RBCK1: variants seen among roughly 807,000 people sequenced by gnomAD.
RBCK1 encodes RANBP2-type and C3HC4-type zinc finger containing 1.
A neutral mutation model predicts 71.1 loss-of-function variants in RBCK1; 44 were observed. The observed-to-expected ratio is 0.62, with a 90% CI of 0.49 to 0.80. RBCK1 has a LOEUF of 0.80. RBCK1 is among the 30% of genes least tolerant of loss of function. The probability of loss-of-function intolerance (pLI) is 0.00; values close to 1 mark genes in which losing one functional copy is unlikely to be tolerated. For synonymous variants in RBCK1, 306 were observed against 279.7 expected (o/e 1.09, Z -0.94); for missense variants, 569 against 685.0 (o/e 0.83, Z 1.89).
At chr20:410,256 G>A (rs1345619392) in intron 2 of RBCK1, among the ~76,000 whole-genome samples, 1 of 152,202 alleles carries the variant, frequency 6.6e-6, no homozygotes, top group Non-Finnish European at 1.5e-5. Flanking sequence ...GTTAGGAGGT[G>A]TACTGTATTA....
rs1052280826 is a variant in RBCK1 at position 408,889 on chromosome 20, C to G, written c.22+110C>G. On this transcript the variant is annotated intron_variant, in intron 1 of 11. Coordinates refer to ENST00000356286, the MANE Select transcript of RBCK1 (RefSeq NM_031229.4). ...CTTGGAGAGGGGGCTTTAGCCTGCC[C>G]TCCCTCTACCCTCCTCCCCATCAGT... 96 of 1,273,900 alleles carry G rather than the reference C, an allele frequency of 7.5e-5. No individual in the cohort carries two copies. The African/African-American group carries it at 1.3e-3, about 18-fold the overall frequency. 78.9% of individuals were successfully genotyped at this position (1,273,900 alleles called of 1,614,324 possible).
At chr20:409,415 C>T (rs528101985) in intron 1 of RBCK1, among the ~76,000 whole-genome samples, 10 of 152,320 alleles carry the variant, frequency 6.6e-5, no homozygotes, top group Non-Finnish European at 1.5e-4. Flanking sequence ...AGAGGCCTCC[C>T]CTGGTCTCCT....
intron 4 of RBCK1, among the ~76,000 whole-genome samples, chr20:418,559 G>A (rs186356187): frequency 0.02 from 2,990 of 152,098 alleles, 101 homozygotes; most frequent in African/African-American, 0.067. Context: ...TAGTAGAGAC[G>A]GGGTTTCACC....
At position 417,951 on chromosome 20, in the gene RBCK1, C is replaced by A; in HGVS notation, c.460+21C>A. 6.3e-7 allele frequency: 1 copy of A among 1,594,582 alleles called. No individual in the cohort carries two copies. Among genetic ancestry groups the A allele is most frequent in the South Asian group, 1.1e-5 (1 of 90,320 alleles). On this transcript the variant is annotated intron_variant, in intron 4 of 11. Transcript: ENST00000356286. The surrounding 1 kb of genome is among the most constrained non-coding windows in gnomAD (Gnocchi z 4.7). The stretch of plus-strand genomic sequence containing the variant: ...GGAAGGTGAGGCTCTGCCCTGAGCA[C>A]CGCCGGACCCAGCGGGGGCCCTGGA...
At chr20:409,129 C>G (rs1234867662) in intron 1 of RBCK1, among the ~76,000 whole-genome samples, 1 of 152,198 alleles carries the variant, frequency 6.6e-6, no homozygotes, top group African/African-American at 2.4e-5. Flanking sequence ...GGTTGTAGAA[C>G]GGAAGTCAGT....
rs369452684 is a variant in RBCK1 at position 417,964 on chromosome 20, C to A, written c.460+34C>A. On this transcript the variant is annotated intron_variant, in intron 4 of 11. Transcript: ENST00000356286. The surrounding 1 kb of genome is among the most constrained non-coding windows in gnomAD (Gnocchi z 4.7). ...CTGCCCTGAGCACCGCCGGACCCAG[C>A]GGGGGCCCTGGACTCACTTGAGGGC... is the stretch of plus-strand genomic sequence containing the variant. The A allele has an allele frequency of 3.2e-6, 5 of 1,581,738 alleles. No homozygotes were observed. The African/African-American group carries it at 4.0e-5, about 13-fold the overall frequency.
chr20:418,351 T>C (rs1179769725), intron 4 of RBCK1, among the ~76,000 whole-genome samples: 1 of 152,248 alleles, frequency 6.6e-6, no homozygotes, highest in East Asian at 1.9e-4. Flanking sequence ...GTACCTTTCA[T>C]GTGGGTTTTA....
intron 11 of RBCK1, 33 bp downstream of exon 11, chr20:429,127 T>C: frequency 1.3e-6 from 2 of 1,591,044 alleles, no homozygotes; most frequent in Non-Finnish European, 1.7e-6. Context: ...GTGGAGAGGG[T>C]GCCCTTGTGG....
chr20:429,506 G>A (rs1391195207), intron 11 of RBCK1, among the ~76,000 whole-genome samples: 3 of 152,198 alleles, frequency 2.0e-5, no homozygotes, highest in African/African-American at 7.2e-5. Flanking sequence ...GATTACAGGC[G>A]TGAGCCACCG....
chr20:419,578 G>A lies in RBCK1; in HGVS notation c.603G>A (p.Gly201=), dbSNP rs1206906907. The A allele has an allele frequency of 4.4e-6, 7 of 1,605,170 alleles. No homozygotes were observed. Among genetic ancestry groups the A allele is most frequent in the African/African-American group, 4.0e-5 (3 of 74,770 alleles). ...EPPPVGWQCP[G]CTFINKPTRP... ...CCCAGGTGGGCTGGCAGTGCCCCGG[G>A]TGCACCTTCATCAACAAGCCCACGC... Residue 201 remains glycine, a synonymous_variant, in exon 6 of 12, where the codon GGG becomes GGA. Coordinates refer to ENST00000356286, the MANE Select transcript of RBCK1 (RefSeq NM_031229.4).
In RBCK1 at chr20:429,112, G is replaced by A; in HGVS notation, c.1452+18G>A. 1 of 1,602,942 alleles carries A rather than the reference G, an allele frequency of 6.2e-7. No individual in the cohort carries two copies. The highest frequency in any genetic ancestry group is 8.5e-7 in the Non-Finnish European group (1 of 1,173,746). On this transcript the variant is annotated intron_variant, in intron 11 of 11. Coordinates refer to ENST00000356286, the MANE Select transcript of RBCK1 (RefSeq NM_031229.4). ...GCCCTGGGGTGAGTCTTTGCTCGTG[G>A]TGGTGTGGAGAGGGTGCCCTTGTGG...
intron 2 of RBCK1, among the ~76,000 whole-genome samples, chr20:413,628 A>G (rs1208929553): frequency 6.6e-6 from 1 of 152,130 alleles, no homozygotes; most frequent in African/African-American, 2.4e-5. Flanking sequence ...TCTTGCTACT[A>G]AAGTGTGGCC....
chr20:420,617 C>A (rs1690002797), intron 6 of RBCK1: 2 of 952,154 alleles, frequency 2.1e-6, no homozygotes, highest in East Asian at 2.7e-4. Flanking sequence ...TTCCCCACCT[C>A]CACCTGGCCT....
At chr20:424,115 T>C (rs897884807) in intron 8 of RBCK1, among the ~76,000 whole-genome samples, 1 of 152,242 alleles carries the variant, frequency 6.6e-6, no homozygotes, top group Non-Finnish European at 1.5e-5. Context: ...CAGAAACAAA[T>C]TGGAGTCACC....
Position 427,433 on chromosome 20 carries a change from G to A in RBCK1, c.1150G>A (p.Asp384Asn). ...PDCKGWCFFE[D>N]DVNEFTCPVC... is the part of the protein sequence containing the mutation. ...TTGCAAGGGATGGTGCTTCTTTGAGGATGATGTCAATGAGTTCACCTGCCC... is the reference window on the plus strand; with the variant it reads ...TTGCAAGGGATGGTGCTTCTTTGAGAATGATGTCAATGAGTTCACCTGCCC... The change falls in exon 9 of 12, where the codon GAT becomes AAT. Residue 384 changes from aspartate (D) to asparagine (N), a missense_variant. By Grantham distance (23) the Asp-to-Asn change is conservative (BLOSUM62 1). Around this residue, in one of 2 missense-constraint regions of RBCK1, gnomAD observed 211 missense variants for 309.4 expected, o/e 0.68. Coordinates refer to ENST00000356286, the MANE Select transcript of RBCK1 (RefSeq NM_031229.4). 6.2e-7 allele frequency: 1 copy of A among 1,614,172 alleles called. No homozygotes were observed. Among genetic ancestry groups the A allele is most frequent in the Non-Finnish European group, 8.5e-7 (1 of 1,180,038 alleles).
chr20:417,465 C>A lies in RBCK1; in HGVS notation c.168-61C>A. The A allele has an allele frequency of 7.0e-7, 1 of 1,423,724 alleles. No individual in the cohort carries two copies. The highest frequency in any genetic ancestry group is 1.4e-5 in the African/African-American group (1 of 71,300). 88.2% of individuals were successfully genotyped at this position (1,423,724 alleles called of 1,614,324 possible). ...TGTGCAAATATGTACATGTCTGTAG[C>A]CGGTGGCTGAGGCTGGACCCCTGGC... On this transcript the variant is annotated intron_variant, in intron 2 of 11. Transcript: ENST00000356286. This position sits in a 1 kb window ranked among gnomAD's most constrained non-coding sequence, Gnocchi z 4.7.
chr20:420,636 G>A, intron 6 of RBCK1: 1 of 854,634 alleles, frequency 1.2e-6, no homozygotes, highest in African/African-American at 3.5e-5. Flanking sequence ...CTCACTCCCA[G>A]CCCCGCCCCT....
intron 2 of RBCK1, chr20:410,894 C>T (rs147734042): frequency 3.4e-5 from 8 of 235,758 alleles, no homozygotes; most frequent in East Asian, 9.1e-5. Flanking sequence ...CCTTACAGTT[C>T]GACCATTTAA....
chr20:413,944 C>G (rs1349711927), intron 2 of RBCK1, among the ~76,000 whole-genome samples: 1 of 144,418 alleles, frequency 6.9e-6, no homozygotes, highest in Non-Finnish European at 1.5e-5. Context: ...AAGATTAACA[C>G]TTTTGGGTGA....
Sources: gnomAD v4.1 joint callset for allele counts (sites outside exome capture counted in the v4.1 genomes callset) on GRCh38, gnomAD v4.1.1 for gene constraint, gnomAD v4.1.1 regional missense constraint, Gnocchi (gnomAD v3.1) non-coding constraint, MANE v1.5 for transcripts, NCBI Gene and HGNC (gene_info 2026-07-23, HGNC 2026-07-21) for gene names.